RPS6KC1: variants seen among roughly 807,000 people sequenced by gnomAD.
The protein encoded by RPS6KC1 is ribosomal protein S6 kinase C1.
RPS6KC1 carries 54 observed loss-of-function variants against 103.8 expected under a neutral mutation model. The ratio of observed to expected loss-of-function variants is 0.52; its 90% confidence interval spans 0.42 to 0.65. The LOEUF (loss-of-function observed/expected upper bound fraction) is 0.65. RPS6KC1 is among the 30% of genes least tolerant of loss of function. RPS6KC1 has a pLI of 0.00. For synonymous variants in RPS6KC1, 439 were observed against 438.7 expected, an observed-to-expected ratio of 1.00 and a Z score of -0.01; for missense variants, 1,151 against 1,253.8, an observed-to-expected ratio of 0.92 and a Z score of 1.24.
the RPS6KC1 span, among the ~76,000 whole-genome samples, chr1:213,377,635 A>G: frequency 6.6e-6 from 1 of 152,224 alleles, no homozygotes. Flanking sequence ...ACTAAATGCC[A>G]TGACTCCAGG....
At chr1:213,530,114 C>T in the RPS6KC1 span, among the ~76,000 whole-genome samples, 34 of 151,916 alleles carry the variant, frequency 2.2e-4, no homozygotes, top group Non-Finnish European at 4.1e-4. Flanking sequence ...AGGTTTGTTA[C>T]ATATGTATAC....
the RPS6KC1 span, among the ~76,000 whole-genome samples, chr1:213,470,364 C>T: frequency 1.3e-4 from 20 of 152,166 alleles, no homozygotes; most frequent in African/African-American, 4.8e-4. Context: ...TGTGTTTCTT[C>T]TACCTCTAGT....
the RPS6KC1 span, among the ~76,000 whole-genome samples, chr1:213,681,674 T>G: frequency 2.6e-5 from 4 of 152,114 alleles, no homozygotes; most frequent in African/African-American, 9.7e-5. Context: ...GGTACATGCC[T>G]GTAGTCCCAG....
chr1:213,418,104 G>C, the RPS6KC1 span, among the ~76,000 whole-genome samples: 19,759 of 152,194 alleles, frequency 0.13, 1,660 homozygotes, highest in Non-Finnish European at 0.18. Context: ...CGAGGGTGAT[G>C]CTGAGAAACG....
the RPS6KC1 span, among the ~76,000 whole-genome samples, chr1:213,738,203 A>T: frequency 6.6e-6 from 1 of 152,190 alleles, no homozygotes; most frequent in South Asian, 2.1e-4. Context: ...CTTTATAGTC[A>T]GGGTGCGTTG....
chr1:213,642,780 A>G, the RPS6KC1 span, among the ~76,000 whole-genome samples: 2 of 152,018 alleles, frequency 1.3e-5, no homozygotes, highest in African/African-American at 4.8e-5. Flanking sequence ...CTCCAAGTTC[A>G]CAATCATATT....
chr1:213,706,026 AGTCAT>A, the RPS6KC1 span, among the ~76,000 whole-genome samples: 2 of 151,988 alleles, frequency 1.3e-5, no homozygotes, highest in African/African-American at 4.8e-5. Flanking sequence ...TCTCTTTTGG[AGTCAT>A]GAGCTGTGCA....
At chr1:213,860,200 T>C in the RPS6KC1 span, among the ~76,000 whole-genome samples, 1 of 150,884 alleles carries the variant, frequency 6.6e-6, no homozygotes, top group African/African-American at 2.4e-5. Flanking sequence ...ATATCAAGAG[T>C]AGGCTTATGC....
the RPS6KC1 span, among the ~76,000 whole-genome samples, chr1:213,613,915 G>A: frequency 6.6e-6 from 1 of 152,208 alleles, no homozygotes; most frequent in African/African-American, 2.4e-5. Flanking sequence ...GATGACAACA[G>A]GCATTTTTCA....
chr1:213,406,663 T>C, the RPS6KC1 span, among the ~76,000 whole-genome samples: 1 of 152,146 alleles, frequency 6.6e-6, no homozygotes, highest in African/African-American at 2.4e-5. Flanking sequence ...AGGGGTCATA[T>C]AAAAACAAAC....
rs566884635 is a variant in RPS6KC1 at position 213,171,785 on chromosome 1, T to G, written c.951+3812T>G. The stretch of plus-strand genomic sequence containing the variant: ...GCTTAAGTCAGTAATAGGTCTGCAA[T>G]TTAGTGTCAGGCTTGAAATGTGACC... On this transcript the variant is annotated intron_variant, in intron 7 of 14. Coordinates refer to ENST00000366960, the MANE Select transcript of RPS6KC1 (RefSeq NM_012424.6). Among the ~76,000 whole-genome samples the G allele has an allele frequency of 2.6e-5, 4 of 152,336 alleles. No homozygotes were observed. In the South Asian group the frequency reaches 8.3e-4, roughly 32 times the overall value.
At chr1:213,728,937 G>GCTTTTTTTTTTT in the RPS6KC1 span, among the ~76,000 whole-genome samples, 1 of 93,416 alleles carries the variant, frequency 1.1e-5, no homozygotes, top group African/African-American at 4.8e-5. Flanking sequence ...GAACATGAGG[G>GCTTTTTTTTTTT]TTTTTTTTTT....
intron 5 of RPS6KC1, among the ~76,000 whole-genome samples, chr1:213,126,763 T>C (rs1382407937): frequency 6.6e-6 from 1 of 152,142 alleles, no homozygotes; most frequent in Non-Finnish European, 1.5e-5. Context: ...AAATAAAGTT[T>C]TACTGGAACA....
chr1:213,442,078 T>C, the RPS6KC1 span, among the ~76,000 whole-genome samples: 1 of 152,202 alleles, frequency 6.6e-6, no homozygotes, highest in Non-Finnish European at 1.5e-5. Flanking sequence ...TAATTTTGAA[T>C]GTGTGTGTGG....
the RPS6KC1 span, among the ~76,000 whole-genome samples, chr1:213,641,086 T>C: frequency 6.7e-6 from 1 of 148,878 alleles, no homozygotes; most frequent in Non-Finnish European, 1.5e-5. Context: ...GTAATGTCTC[T>C]CTTTACTTTT....
the RPS6KC1 span, among the ~76,000 whole-genome samples, chr1:213,849,536 T>C: frequency 6.6e-6 from 1 of 152,328 alleles, no homozygotes; most frequent in Admixed American, 6.5e-5. Context: ...ACTTTTCAGC[T>C]CTCTGGTGGT....
rs768372423 is a variant in RPS6KC1 at position 213,129,765 on chromosome 1, A to G, written c.711A>G (p.Arg237=). Reference sequence around the variant, plus strand: ...GTTTAAAGCCGAAGCTTGGCAAGAGAGATTATTTGGAGAAAGCAGGAGAAT... The same window carrying G: ...GTTTAAAGCCGAAGCTTGGCAAGAGGGATTATTTGGAGAAAGCAGGAGAAT... ...PGSLKPKLGK[R]DYLEKAGELI... is the part of the protein sequence containing the mutation. The change falls in exon 6 of 15, where the codon AGA becomes AGG. Residue 237 remains arginine (R), a synonymous_variant. Coordinates refer to ENST00000366960, the MANE Select transcript of RPS6KC1 (RefSeq NM_012424.6). 9 of 1,613,954 alleles carry G rather than the reference A, an allele frequency of 5.6e-6. No individual in the cohort carries two copies. The highest frequency in any genetic ancestry group is 7.6e-6 in the Non-Finnish European group (9 of 1,179,982).
At chr1:213,370,796 A>G in the RPS6KC1 span, among the ~76,000 whole-genome samples, 13 of 152,232 alleles carry the variant, frequency 8.5e-5, no homozygotes, top group Middle Eastern at 3.4e-3. Flanking sequence ...TCTACTCTAG[A>G]TGGGCCCTCT....
chr1:213,856,038 C>G, the RPS6KC1 span, among the ~76,000 whole-genome samples: 3 of 152,168 alleles, frequency 2.0e-5, no homozygotes, highest in Non-Finnish European at 4.4e-5. Flanking sequence ...GACGAGGGAG[C>G]CTGGCTGTCA....
Sources: allele counts gnomAD v4.1 joint callset (sites outside exome capture counted in the v4.1 genomes callset), GRCh38; gene constraint gnomAD v4.1.1; transcripts MANE v1.5; gene names NCBI Gene and HGNC (gene_info 2026-07-23, HGNC 2026-07-21).